Variants in PPP2R3A observed in about 807,000 individuals in gnomAD.
PPP2R3A encodes protein phosphatase 2 regulatory subunit B''alpha.
PPP2R3A carries 80 observed loss-of-function variants against 106.9 expected under a neutral mutation model. The observed-to-expected ratio is 0.75, with a 90% confidence interval of 0.62 to 0.90. PPP2R3A has a LOEUF of 0.90. Among genes scored for constraint, PPP2R3A ranks in the 40% least tolerant of loss-of-function variants. The pLI, the probability that PPP2R3A is intolerant of heterozygous loss-of-function variation, is 0.00. For missense variants in PPP2R3A, 1,386 were observed against 1,350.4 expected, an observed-to-expected ratio of 1.03 and a Z score of -0.41; for synonymous variants, 483 against 468.3, an observed-to-expected ratio of 1.03 and a Z score of -0.41.
chr3:135,976,958 A>C (rs1477346599), intron 1 of PPP2R3A, among the ~76,000 whole-genome samples: 3 of 152,164 alleles, frequency 2.0e-5, no homozygotes, highest in Non-Finnish European at 2.9e-5. Context: ...TATGTGCATA[A>C]GTTGGTTTTA....
chr3:135,986,605 T>G (rs913563025), intron 1 of PPP2R3A, among the ~76,000 whole-genome samples: 17 of 152,048 alleles, frequency 1.1e-4, no homozygotes, highest in Admixed American at 1.1e-3. Flanking sequence ...TCCCCACTCT[T>G]CGCTCTCAAC....
In PPP2R3A at chr3:136,146,861, G is replaced by C. The variant is rs991502264; in HGVS notation, c.*1695G>C. The C allele has an allele frequency of 1.5e-5, 2 of 129,462 alleles. No homozygotes were observed. Among genetic ancestry groups the C allele is most frequent in the Non-Finnish European group, 3.3e-5 (2 of 61,138 alleles). 8.0% of individuals were successfully genotyped at this position (129,462 alleles called of 1,614,324 possible). On this transcript the variant is annotated 3_prime_UTR_variant, in exon 14 of 14. Transcript: ENST00000264977. ...AAAAGCAATTATTTCATTTCAGATA[G>C]AAATACAAAAAAAAAAAAAATACTT... is the stretch of plus-strand genomic sequence containing the variant.
chr3:136,032,539 T>A (rs1162624881), intron 3 of PPP2R3A, among the ~76,000 whole-genome samples: 3 of 151,376 alleles, frequency 2.0e-5, no homozygotes, highest in African/African-American at 7.3e-5. Flanking sequence ...TATTTTTTTT[T>A]TTTCCTGAGA....
intron 8 of PPP2R3A, among the ~76,000 whole-genome samples, chr3:136,086,745 TC>T (rs1190220333): frequency 6.6e-6 from 1 of 152,192 alleles, no homozygotes; most frequent in African/African-American, 2.4e-5. Flanking sequence ...GCACGGCTGT[TC>T]CAATACACAT....
At chr3:136,058,868 A>C (rs1456220812) in intron 5 of PPP2R3A, among the ~76,000 whole-genome samples, 1 of 152,238 alleles carries the variant, frequency 6.6e-6, no homozygotes, top group East Asian at 1.9e-4. Context: ...CTGATCTTTG[A>C]CAAACCTGAC....
intron 10 of PPP2R3A, among the ~76,000 whole-genome samples, chr3:136,095,073 T>C (rs1247239682): frequency 2.0e-5 from 3 of 152,204 alleles, no homozygotes; most frequent in African/African-American, 7.2e-5. Flanking sequence ...CTCTGGATTT[T>C]CTTCTAGATC....
intron 10 of PPP2R3A, among the ~76,000 whole-genome samples, chr3:136,098,305 G>A (rs560603562): frequency 2.0e-5 from 3 of 152,266 alleles, no homozygotes; most frequent in African/African-American, 7.2e-5. Flanking sequence ...AACAGAATGA[G>A]AGCCTATCTC....
chr3:136,101,447 GGGAGTCTCGTTCTTTCACCCAGGCT>G (rs1937357296), intron 10 of PPP2R3A, among the ~76,000 whole-genome samples: 1 of 151,848 alleles, frequency 6.6e-6, no homozygotes, highest in African/African-American at 2.4e-5. Flanking sequence ...ATCTTGAGGC[GGGAGTCTCGTTCTTTCACCCAGGCT>G]GGAGTGCAGC....
chr3:136,059,736 CCAT>C (rs1345599838), intron 5 of PPP2R3A, among the ~76,000 whole-genome samples: 2 of 152,126 alleles, frequency 1.3e-5, no homozygotes, highest in Admixed American at 1.3e-4. Context: ...ACCTAAATGC[CCAT>C]CAATGATAGA....
intron 5 of PPP2R3A, among the ~76,000 whole-genome samples, chr3:136,060,283 G>A (rs1039443955): frequency 9.2e-5 from 14 of 152,286 alleles, no homozygotes; most frequent in African/African-American, 3.1e-4. Context: ...CAAATACTAC[G>A]TGATCTCACT....
intron 11 of PPP2R3A, among the ~76,000 whole-genome samples, chr3:136,102,482 G>A (rs1937404075): frequency 6.6e-6 from 1 of 151,846 alleles, no homozygotes; most frequent in Non-Finnish European, 1.5e-5. Context: ...AAGTAGCTGG[G>A]ACTACAGGCA....
intron 1 of PPP2R3A, among the ~76,000 whole-genome samples, chr3:135,996,139 C>G (rs1273740827): frequency 6.6e-6 from 1 of 152,034 alleles, no homozygotes. Context: ...AGATGTATTT[C>G]CATTTAAGTG....
At chr3:136,089,900 T>C (rs1001809508) in intron 9 of PPP2R3A, among the ~76,000 whole-genome samples, 10 of 152,178 alleles carry the variant, frequency 6.6e-5, no homozygotes, top group African/African-American at 2.4e-4. Context: ...TTGATTTGGC[T>C]TTCAGCTTGA....
At chr3:135,985,411 G>A (rs1190796057) in intron 1 of PPP2R3A, among the ~76,000 whole-genome samples, 2 of 115,196 alleles carry the variant, frequency 1.7e-5, no homozygotes, top group African/African-American at 3.4e-5. Context: ...TCTCTCTCTC[G>A]CTCTCTCTGT....
chr3:136,033,598 C>G (rs1934981675), intron 3 of PPP2R3A, among the ~76,000 whole-genome samples: 1 of 152,090 alleles, frequency 6.6e-6, no homozygotes, highest in African/African-American at 2.4e-5. Flanking sequence ...CTAATTCTTC[C>G]TGATTTAAGC....
chr3:136,143,811 T>A (rs1009981545), intron 13 of PPP2R3A, among the ~76,000 whole-genome samples: 1 of 152,138 alleles, frequency 6.6e-6, no homozygotes, highest in Middle Eastern at 3.4e-3. Flanking sequence ...ACACACACAA[T>A]GTTTTAGGAA....
chr3:136,071,750 C>T (rs1936435261), intron 6 of PPP2R3A, among the ~76,000 whole-genome samples: 1 of 152,178 alleles, frequency 6.6e-6, no homozygotes, highest in Admixed American at 6.5e-5. Flanking sequence ...ATAATCCTCC[C>T]ATACCCTGGC....
intron 9 of PPP2R3A, among the ~76,000 whole-genome samples, chr3:136,090,301 A>G (rs1158774629): frequency 5.9e-5 from 9 of 152,188 alleles, no homozygotes; most frequent in Non-Finnish European, 1.3e-4. Flanking sequence ...TATTAATCCT[A>G]TATCTAAATA....
At chr3:136,137,534 AT>A (rs59086929) in intron 13 of PPP2R3A, among the ~76,000 whole-genome samples, 419 of 40,524 alleles carry the variant, frequency 0.01, 3 homozygotes, top group African/African-American at 0.029. Flanking sequence ...TCTGTCAGAG[AT>A]TTTTTTTTTT....
Sources: allele counts gnomAD v4.1 joint callset (sites outside exome capture counted in the v4.1 genomes callset), GRCh38; gene constraint gnomAD v4.1.1; transcripts MANE v1.5; gene names NCBI Gene and HGNC (gene_info 2026-07-23, HGNC 2026-07-21).